Variants in ZNF823 observed in about 807,000 individuals in gnomAD.
ZNF823 encodes the protein zinc finger protein 823, also known as ZFP 36 for a zinc finger protein.
In ZNF823, 5 loss-of-function variants were observed where a neutral mutation model predicts 11.4. The observed-to-expected ratio is 0.44, with a 90% CI of 0.23 to 0.92. ZNF823 has a LOEUF of 0.92. Ranked by LOEUF, ZNF823 falls within the 40% of genes least tolerant of loss-of-function variation. The probability of loss-of-function intolerance (pLI) is 0.24; values close to 1 mark genes in which losing one functional copy is unlikely to be tolerated. For missense variants in ZNF823, 582 were observed against 738.5 expected, an observed-to-expected ratio of 0.79 and a Z score of 2.46; for synonymous variants, 234 against 250.5, an observed-to-expected ratio of 0.93 and a Z score of 0.62.
intron 1 of ZNF823, among the ~76,000 whole-genome samples, chr19:11,731,314 TCAAAAAAA>T (rs1340685371): frequency 2.0e-5 from 3 of 151,828 alleles, no homozygotes; most frequent in African/African-American, 4.8e-5. Context: ...AAACTCCATC[TCAAAAAAA>T]CAAAAAAACC....
chr19:11,736,538 T>A (rs754101533), intron 1 of ZNF823, among the ~76,000 whole-genome samples: 10 of 152,116 alleles, frequency 6.6e-5, no homozygotes, highest in Non-Finnish European at 7.4e-5. Context: ...TAAATAAAAG[T>A]TTTAAAAAGA....
Position 11,722,580 on chromosome 19 carries a change from G to T in ZNF823, c.954C>A (p.Ser318Arg), listed in dbSNP as rs369947785. The change falls in exon 4 of 4, where the codon AGC becomes AGA. Residue 318 changes from serine to arginine, a missense_variant. Ser to Arg is a moderately radical substitution (Grantham distance 110, BLOSUM62 -1). Around this residue, in one of 3 missense-constraint regions of ZNF823, gnomAD observed 429 missense variants for 553.7 expected, o/e 0.77. Transcript: ENST00000341191. This position sits in a 1 kb window ranked among gnomAD's most constrained non-coding sequence, Gnocchi z 5.2. ...TGTGCCTTATCATGTGTCTTCGAAAGCTTGTGTGATGATAAAACGTTTTCC... is the reference window on the plus strand; with the variant it reads ...TGTGCCTTATCATGTGTCTTCGAAATCTTGTGTGATGATAAAACGTTTTCC... ...QCGKTFYHHTSFRRHMIRHTG... is the reference protein window; with the variant it reads ...QCGKTFYHHTRFRRHMIRHTG... 14 of 1,614,010 alleles carry T rather than the reference G, an allele frequency of 8.7e-6. No homozygotes were observed. Among genetic ancestry groups the T allele is most frequent in the Non-Finnish European group, 1.1e-5 (13 of 1,180,030 alleles).
chr19:11,729,254 C>T (rs1974851416), intron 1 of ZNF823, among the ~76,000 whole-genome samples: 1 of 151,520 alleles, frequency 6.6e-6, no homozygotes, highest in Non-Finnish European at 1.5e-5. Flanking sequence ...GATGCAAATA[C>T]ATTAAATATA....
chr19:11,724,299 T>G, intron 2 of ZNF823, 45 bp from the exon 3 acceptor site: 1 of 1,548,312 alleles, frequency 6.5e-7, no homozygotes, highest in East Asian at 2.3e-5. Flanking sequence ...TTTACAAAAT[T>G]ATAGAAAAAC....
rs1340612229 is a variant in ZNF823 at position 11,722,221 on chromosome 19, T to A, written c.1313A>T (p.His438Leu). ...AGSLRRHEAT[H>L]TGVKPYKCQC... ...ACATTTATAGGGTTTCACTCCAGTGTGAGTTGCTTCATGTCTTCGAAGGGA... is the reference window on the plus strand; with the variant it reads ...ACATTTATAGGGTTTCACTCCAGTGAGAGTTGCTTCATGTCTTCGAAGGGA... Residue 438 changes from histidine to leucine, a missense_variant, in exon 4 of 4, where the codon CAC becomes CTC. This residue lies in a region of ZNF823 where 429 missense variants were observed against 553.7 expected (regional missense o/e 0.77). Transcript: ENST00000341191. This position sits in a 1 kb window ranked among gnomAD's most constrained non-coding sequence, Gnocchi z 5.2. 1 of 1,614,054 alleles carries A rather than the reference T, an allele frequency of 6.2e-7. No individual in the cohort carries two copies. The highest frequency in any genetic ancestry group is 1.7e-4 in the Middle Eastern group (1 of 6,060).
chr19:11,738,905 C>A lies in ZNF823; in HGVS notation c.-86G>T. 9 of 1,515,158 alleles carry A rather than the reference C, an allele frequency of 5.9e-6. No individual in the cohort carries two copies. The highest frequency in any genetic ancestry group is 6.2e-6 in the Non-Finnish European group (7 of 1,126,168). The allele number at this position is 1,515,158 out of a possible 1,614,324, so 93.9% of individuals were successfully genotyped here. On this transcript the variant is annotated 5_prime_UTR_variant, in exon 1 of 4. Coordinates refer to ENST00000341191, the MANE Select transcript of ZNF823 (RefSeq NM_001080493.4). ...AGACGCTGATACAGACCTTCCAGGGCGTCTCTCTCTCAGCGCCAGAGCCAG... is the reference window on the plus strand; with the variant it reads ...AGACGCTGATACAGACCTTCCAGGGAGTCTCTCTCTCAGCGCCAGAGCCAG...
intron 1 of ZNF823, chr19:11,726,010 T>C (rs2145207693): frequency 6.6e-6 from 1 of 150,488 alleles, no homozygotes; most frequent in East Asian, 2.0e-4. Flanking sequence ...GGTGGATCAC[T>C]TAAGCCCAGG....
chr19:11,737,319 A>G (rs1004517451), intron 1 of ZNF823, among the ~76,000 whole-genome samples: 6 of 152,122 alleles, frequency 3.9e-5, no homozygotes, highest in African/African-American at 1.4e-4. Context: ...GCTGGAGTGC[A>G]ATGGCGTGAT....
rs1974693977 is a variant in ZNF823, at chr19:11,722,112, C to G, written c.1422G>C (p.Lys474Asn). ...THTGEKPYEC[K>N]ECGKAFSCFK... Reference sequence around the variant, plus strand: ...AACAACTGAATGCTTTCCCACATTCCTTACACTCATATGGCTTCTCTCCAG... The same window carrying G: ...AACAACTGAATGCTTTCCCACATTCGTTACACTCATATGGCTTCTCTCCAG... The change falls in exon 4 of 4, where the codon AAG becomes AAC. Residue 474 changes from lysine to asparagine, a missense_variant. Around this residue, in one of 3 missense-constraint regions of ZNF823, gnomAD observed 9 missense variants for 30.5 expected, o/e 0.29. Coordinates refer to ENST00000341191, the MANE Select transcript of ZNF823 (RefSeq NM_001080493.4). The surrounding 1 kb of genome is among the most constrained non-coding windows in gnomAD (Gnocchi z 5.2). The G allele has an allele frequency of 6.2e-7, 1 of 1,613,630 alleles. No homozygotes were observed.
Position 11,722,195 on chromosome 19 carries a change from G to A in ZNF823, c.1339C>T (p.Gln447Ter). The A allele has an allele frequency of 6.2e-7, 1 of 1,613,794 alleles. No individual in the cohort carries two copies. Among genetic ancestry groups the A allele is most frequent in the Non-Finnish European group, 8.5e-7 (1 of 1,179,934 alleles). The change falls in exon 4 of 4, where the codon CAG becomes TAG. Residue 447 changes from glutamine to a stop codon, truncating the protein, a stop_gained. Coordinates refer to ENST00000341191, the MANE Select transcript of ZNF823 (RefSeq NM_001080493.4). LOFTEE classifies it low-confidence loss of function (END_TRUNC). The surrounding 1 kb of genome is among the most constrained non-coding windows in gnomAD (Gnocchi z 5.2). ...THTGVKPYKC[Q>*]CGKAFSDLSS... ...AGATCACTAAAGGCTTTCCCACACTGACATTTATAGGGTTTCACTCCAGTG... is the reference window on the plus strand; with the variant it reads ...AGATCACTAAAGGCTTTCCCACACTAACATTTATAGGGTTTCACTCCAGTG...
rs989063090 is a variant in ZNF823 at position 11,731,261 on chromosome 19, G to A, written c.4-5934C>T. Reference sequence around the variant, plus strand: ...CGGGAGGCAGAGGTTGCGGTGAGCCGAGATCACGCCATTGCACTCCAGCCT... The same window carrying A: ...CGGGAGGCAGAGGTTGCGGTGAGCCAAGATCACGCCATTGCACTCCAGCCT... On this transcript the variant is annotated intron_variant, in intron 1 of 3. Coordinates refer to ENST00000341191, the MANE Select transcript of ZNF823 (RefSeq NM_001080493.4). Among the ~76,000 whole-genome samples, 4 of 151,938 alleles carry A rather than the reference G, an allele frequency of 2.6e-5. No individual in the cohort carries two copies. In the East Asian group the frequency reaches 5.8e-4, roughly 22 times the overall value.
chr19:11,731,001 T>TAA (rs1299112742), intron 1 of ZNF823, among the ~76,000 whole-genome samples: 1,500 of 58,066 alleles, frequency 0.026, 18 homozygotes, highest in African/African-American at 0.083. Context: ...GCAAAGAAAC[T>TAA]AAAAAAAAAA....
At position 11,738,679 on chromosome 19, in the gene ZNF823, G is replaced by A. The variant is rs73500554; in HGVS notation, c.3+138C>T. On this transcript the variant is annotated intron_variant, in intron 1 of 3. Transcript: ENST00000341191. The stretch of plus-strand genomic sequence containing the variant: ...CATCTTGCGGCCCAGGGGACCAAGG[G>A]CAGAGCTGCGCCAGGGGCACTGGGA... The A allele has an allele frequency of 1.5e-3, 1,739 of 1,188,868 alleles. 30 individuals are homozygous for A. The African/African-American group carries it at 0.026, about 18-fold the overall frequency. The allele number at this position is 1,188,868 out of a possible 1,614,324, so 73.6% of individuals were successfully genotyped here. A position where few individuals can be genotyped will look rare whatever the true frequency, so the allele number is the denominator to read the frequency against.
At chr19:11,728,871 A>C (rs182559467) in intron 1 of ZNF823, among the ~76,000 whole-genome samples, 1 of 152,310 alleles carries the variant, frequency 6.6e-6, no homozygotes, top group East Asian at 1.9e-4. Flanking sequence ...CTGGCTGAAT[A>C]GAATTAAAAA....
intron 1 of ZNF823, 27 bp from the exon 2 acceptor site, chr19:11,725,354 G>A (rs753836123): frequency 2.5e-6 from 4 of 1,611,546 alleles, no homozygotes; most frequent in African/African-American, 1.3e-5. Context: ...GTGCAGAGGA[G>A]GAAGGTTGAG....
At chr19:11,724,396 A>G in intron 2 of ZNF823, 142 bp from the exon 3 acceptor site, 1 of 682,650 alleles carries the variant, frequency 1.5e-6, no homozygotes, top group Non-Finnish European at 2.4e-6. Context: ...TGAACTGCAC[A>G]GCTCCACTCA....
Position 11,722,175 on chromosome 19 carries a change from A to T in ZNF823, c.1359T>A (p.Ser453Arg), listed in dbSNP as rs1352632368. Residue 453 changes from serine to arginine, a missense_variant, in exon 4 of 4, where the codon AGT (serine) becomes AGA (arginine). Physicochemically the swap from Ser to Arg is moderately radical, Grantham distance 110. This residue lies in a region of ZNF823 where 429 missense variants were observed against 553.7 expected (regional missense o/e 0.77). Transcript: ENST00000341191. The surrounding 1 kb of genome is among the most constrained non-coding windows in gnomAD (Gnocchi z 5.2). ...CATGATTTTGAAAGGAAGAGAGATC[A>T]CTAAAGGCTTTCCCACACTGACATT... ...PYKCQCGKAF[S>R]DLSSFQNHET... 1 of 1,614,148 alleles carries T rather than the reference A, an allele frequency of 6.2e-7. No individual in the cohort carries two copies. Among genetic ancestry groups the T allele is most frequent in the East Asian group, 2.2e-5 (1 of 44,884 alleles).
intron 1 of ZNF823, among the ~76,000 whole-genome samples, chr19:11,733,020 A>G (rs1201198746): frequency 6.6e-6 from 1 of 152,208 alleles, no homozygotes; most frequent in African/African-American, 2.4e-5. Flanking sequence ...AACAAAACAC[A>G]TTCCCATCAC....
At chr19:11,725,457 T>C (rs1974773771) in intron 1 of ZNF823, 130 bp from the exon 2 acceptor site, 1 of 1,303,510 alleles carries the variant, frequency 7.7e-7, no homozygotes, top group Admixed American at 2.2e-5. Context: ...AAACCCACTC[T>C]TATTTTGTCT....
Sources: allele counts gnomAD v4.1 joint callset (sites outside exome capture counted in the v4.1 genomes callset), GRCh38; gene constraint gnomAD v4.1.1; regional missense constraint gnomAD v4.1.1; non-coding constraint Gnocchi (gnomAD v3.1); transcripts MANE v1.5; gene names NCBI Gene and HGNC (gene_info 2026-07-23, HGNC 2026-07-21).